The following ASCC3 variants were observed in gnomAD, a reference collection of about 807,000 sequenced individuals.
ASCC3 encodes activating signal cointegrator 1 complex subunit 3, also known as ASC-1 complex subunit P200.
In ASCC3, 158 loss-of-function variants were observed where a neutral mutation model predicts 256.3. That is an observed-to-expected ratio of 0.62 (90% CI 0.54 to 0.70). ASCC3 has a LOEUF of 0.70. Among genes scored for constraint, ASCC3 ranks in the 30% least tolerant of loss-of-function variants. The probability of loss-of-function intolerance (pLI) is 0.00; values close to 1 mark genes in which losing one functional copy is unlikely to be tolerated. For synonymous variants in ASCC3, 948 were observed against 883.4 expected (o/e 1.07, Z -1.30); for missense variants, 2,259 against 2,626.0 (o/e 0.86, Z 3.05).
At chr6:100,750,033 G>A (rs1319593237) in intron 10 of ASCC3, among the ~76,000 whole-genome samples, 4 of 151,862 alleles carry the variant, frequency 2.6e-5, no homozygotes, top group African/African-American at 7.2e-5. Context: ...CAAATTTGCG[G>A]TTCTATTGCA....
intron 1 of ASCC3, among the ~76,000 whole-genome samples, chr6:100,879,698 T>C (rs1769191090): frequency 6.6e-6 from 1 of 152,038 alleles, no homozygotes; most frequent in African/African-American, 2.4e-5. Flanking sequence ...GAAACTGAGG[T>C]AGAACTGTGA....
rs1278908778 is a variant in ASCC3 at position 100,629,195 on chromosome 6, T to A, written c.4209-14A>T. 1 of 1,611,346 alleles carries A rather than the reference T, an allele frequency of 6.2e-7. No individual in the cohort carries two copies. Among genetic ancestry groups the A allele is most frequent in the Admixed American group, 1.7e-5 (1 of 59,900 alleles). ...AGTTCAATAACTCTGGAGGGAAATA[T>A]AACAATGATCCCAGAAACTTTTCAG... On this transcript the variant is annotated splice_polypyrimidine_tract_variant and intron_variant, in intron 26 of 41. Coordinates refer to ENST00000369162, the MANE Select transcript of ASCC3 (RefSeq NM_006828.4).
intron 36 of ASCC3, among the ~76,000 whole-genome samples, chr6:100,588,824 A>G (rs1771839857): frequency 1.3e-5 from 2 of 152,232 alleles, no homozygotes; most frequent in South Asian, 4.1e-4. Flanking sequence ...AAAAGTTACT[A>G]AGTGAACTAC....
rs762450154 is a variant in ASCC3, at chr6:100,606,826, A to G, written c.4958T>C (p.Val1653Ala). 6.2e-7 allele frequency: 1 copy of G among 1,612,460 alleles called. No individual in the cohort carries two copies. The highest frequency in any genetic ancestry group is 8.5e-7 in the Non-Finnish European group (1 of 1,179,220). ...AATTACTAAATGAGCTGGAAAGTTT[A>G]CACCCCAGGCTAATGTGCTTGTAGC... ...LIATSTLAWGVNFPAHLVIIK... is the reference protein window; with the variant it reads ...LIATSTLAWGANFPAHLVIIK... The change falls in exon 32 of 42, where the codon GTA becomes GCA. Residue 1653 changes from valine (V) to alanine (A), a missense_variant. Around this residue, in one of 2 missense-constraint regions of ASCC3, gnomAD observed 1,839 missense variants for 2,206.7 expected, o/e 0.83. Coordinates refer to ENST00000369162, the MANE Select transcript of ASCC3 (RefSeq NM_006828.4).
At chr6:100,681,044 A>G (rs987544845) in intron 13 of ASCC3, among the ~76,000 whole-genome samples, 11 of 152,182 alleles carry the variant, frequency 7.2e-5, no homozygotes, top group Admixed American at 5.9e-4. Flanking sequence ...ATACTTCTAT[A>G]GAGGTATCTC....
intron 10 of ASCC3, among the ~76,000 whole-genome samples, chr6:100,764,737 C>A (rs572045281): frequency 2.0e-5 from 3 of 152,138 alleles, no homozygotes; most frequent in Non-Finnish European, 4.4e-5. Context: ...CTCCCTACTT[C>A]ATGACCTAAT....
chr6:100,749,528 G>A (rs1455752884), intron 10 of ASCC3, among the ~76,000 whole-genome samples: 1 of 151,910 alleles, frequency 6.6e-6, no homozygotes, highest in Non-Finnish European at 1.5e-5. Context: ...AATTTGAATT[G>A]ATTTTTAAAA....
At chr6:100,841,846 A>G (rs1772158545) in intron 4 of ASCC3, among the ~76,000 whole-genome samples, 1 of 152,174 alleles carries the variant, frequency 6.6e-6, no homozygotes, top group African/African-American at 2.4e-5. Context: ...AATTTACAAG[A>G]TAACTACTCC....
chr6:100,764,899 C>T (rs1048525595), intron 10 of ASCC3, among the ~76,000 whole-genome samples: 3 of 152,028 alleles, frequency 2.0e-5, no homozygotes, highest in African/African-American at 7.2e-5. Flanking sequence ...AGGATCTTTG[C>T]AGATGTAATT....
At chr6:100,552,049 ATC>A (rs1301290686) in intron 36 of ASCC3, among the ~76,000 whole-genome samples, 2 of 151,894 alleles carry the variant, frequency 1.3e-5, no homozygotes, top group Non-Finnish European at 2.9e-5. Context: ...CAAATTTCTT[ATC>A]TTAAATTTGG....
At chr6:100,777,755 T>G (rs72945178) in intron 8 of ASCC3, among the ~76,000 whole-genome samples, 10 of 152,014 alleles carry the variant, frequency 6.6e-5, no homozygotes, top group African/African-American at 2.4e-4. Flanking sequence ...GTACAGAGAT[T>G]AGAGTGGCTG....
chr6:100,555,494 T>C (rs529029030), intron 36 of ASCC3, among the ~76,000 whole-genome samples: 4 of 152,254 alleles, frequency 2.6e-5, no homozygotes, highest in East Asian at 3.9e-4. Context: ...AAGGACCACC[T>C]GGTTGACAGC....
chr6:100,851,185 T>A (rs1234933212), intron 3 of ASCC3, among the ~76,000 whole-genome samples: 1 of 152,172 alleles, frequency 6.6e-6, no homozygotes, highest in Non-Finnish European at 1.5e-5. Flanking sequence ...TTAACATTAG[T>A]CTTCTAACTC....
intron 36 of ASCC3, among the ~76,000 whole-genome samples, chr6:100,554,907 A>G (rs1769491790): frequency 6.6e-6 from 1 of 152,004 alleles, no homozygotes; most frequent in South Asian, 2.1e-4. Context: ...ACTTTTTTCT[A>G]TATATTATCA....
intron 25 of ASCC3, among the ~76,000 whole-genome samples, chr6:100,632,158 A>G (rs1774581301): frequency 6.7e-6 from 1 of 149,354 alleles, no homozygotes; most frequent in African/African-American, 2.5e-5. Context: ...AAACCAGTAG[A>G]ATATATACTG....
intron 36 of ASCC3, among the ~76,000 whole-genome samples, chr6:100,581,499 G>C (rs1348672469): frequency 6.6e-6 from 1 of 152,026 alleles, no homozygotes; most frequent in East Asian, 1.9e-4. Context: ...TGTCAGATGA[G>C]TAGGTTGCGA....
At chr6:100,879,382 G>C (rs761134035) in intron 1 of ASCC3, among the ~76,000 whole-genome samples, 4 of 152,176 alleles carry the variant, frequency 2.6e-5, no homozygotes, top group African/African-American at 7.2e-5. Context: ...AAGCAGTTAG[G>C]GGGTGGGGAT....
chr6:100,727,175 T>C (rs1015467984), intron 10 of ASCC3, among the ~76,000 whole-genome samples: 4 of 152,036 alleles, frequency 2.6e-5, no homozygotes, highest in Admixed American at 2.6e-4. Flanking sequence ...GTAAAGTGTA[T>C]TCCTCCTTGA....
At chr6:100,577,082 A>G (rs546664783) in intron 36 of ASCC3, among the ~76,000 whole-genome samples, 2 of 151,784 alleles carry the variant, frequency 1.3e-5, no homozygotes, top group Non-Finnish European at 2.9e-5. Flanking sequence ...TAAAGTATCC[A>G]GAGCTCCAAC....
Sources: allele counts gnomAD v4.1 joint callset (sites outside exome capture counted in the v4.1 genomes callset), GRCh38; gene constraint gnomAD v4.1.1; regional missense constraint gnomAD v4.1.1; transcripts MANE v1.5; gene names NCBI Gene and HGNC (gene_info 2026-07-23, HGNC 2026-07-21).